The following NAALADL2 variants were observed in gnomAD, a reference collection of about 807,000 sequenced individuals.
NAALADL2 encodes N-acetylated alpha-linked acidic dipeptidase like 2, also known as inactive N-acetylated-alpha-linked acidic dipeptidase-like protein 2.
NAALADL2 carries 76 observed loss-of-function variants against 87.2 expected under a neutral mutation model. That is an observed-to-expected ratio of 0.87 (90% CI 0.72 to 1.05). The LOEUF is 1.05. Among genes scored for constraint, NAALADL2 ranks in the 50% least tolerant of loss-of-function variants. The pLI is 0.00. For missense variants in NAALADL2, 1,089 were observed against 945.8 expected, an observed-to-expected ratio of 1.15 and a Z score of -1.99; for synonymous variants, 354 against 331.0, an observed-to-expected ratio of 1.07 and a Z score of -0.75.
chr3:175,285,282 T>C (rs145344911), intron 4 of NAALADL2, among the ~76,000 whole-genome samples: 1 of 152,312 alleles, frequency 6.6e-6, no homozygotes, highest in East Asian at 1.9e-4. Context: ...GTATGGCACC[T>C]GCTGTACCAC....
chr3:175,036,740 A>G (rs1258422886), intron 1 of NAALADL2, among the ~76,000 whole-genome samples: 2 of 151,832 alleles, frequency 1.3e-5, no homozygotes, highest in South Asian at 2.1e-4. Flanking sequence ...ACTACTTTAA[A>G]AAATATTTTA....
chr3:175,124,599 G>C (rs1005327306), intron 2 of NAALADL2: 2 of 152,016 alleles, frequency 1.3e-5, no homozygotes, highest in Non-Finnish European at 2.9e-5. Flanking sequence ...TGCAAGGGAG[G>C]CTTTTCAAAC....
chr3:174,731,980 A>G (rs1158267231), intron 2 of NAALADL2, among the ~76,000 whole-genome samples: 1 of 152,154 alleles, frequency 6.6e-6, no homozygotes, highest in Non-Finnish European at 1.5e-5. Flanking sequence ...GCCACCATAA[A>G]CAATACATAA....
At chr3:175,161,278 C>A (rs1435874926) in intron 2 of NAALADL2, among the ~76,000 whole-genome samples, 1 of 150,628 alleles carries the variant, frequency 6.6e-6, no homozygotes, top group Non-Finnish European at 1.5e-5. Flanking sequence ...ATTTACTGGA[C>A]AGATAATAAG....
At chr3:174,934,386 A>G (rs1172910973) in intron 1 of NAALADL2, among the ~76,000 whole-genome samples, 1 of 152,214 alleles carries the variant, frequency 6.6e-6, no homozygotes, top group African/African-American at 2.4e-5. Context: ...CTTTTGGGAA[A>G]CTGAATCTAA....
Position 175,447,242 on chromosome 3 carries a change from A to C in NAALADL2, c.1104A>C (p.Arg368Ser), listed in dbSNP as rs768356210. The C allele has an allele frequency of 6.3e-7, 1 of 1,588,336 alleles. No individual in the cohort carries two copies. Among genetic ancestry groups the C allele is most frequent in the South Asian group, 1.2e-5 (1 of 85,780 alleles). ...TTTTGAATACAGATGAAAGTTTTAG[A>C]CAAAGCCGATCAAACCTCACCTCTC... is the stretch of plus-strand genomic sequence containing the variant. Reference protein sequence around the residue: ...PGYPSVDESFRQSRSNLTSLL... With the variant: ...PGYPSVDESFSQSRSNLTSLL... The change falls in exon 6 of 14, where the codon AGA becomes AGC. Residue 368 changes from arginine to serine, a missense_variant. By Grantham distance (110) the Arg-to-Ser change is moderately radical. Transcript: ENST00000454872.
At chr3:174,559,309 C>T (rs950555341) in intron 2 of NAALADL2, among the ~76,000 whole-genome samples, 13 of 152,114 alleles carry the variant, frequency 8.5e-5, no homozygotes, top group Admixed American at 6.6e-4. Context: ...GCACCATTAC[C>T]ACCCCCTACC....
At chr3:175,076,712 G>A (rs937259954) in intron 1 of NAALADL2, among the ~76,000 whole-genome samples, 5 of 152,110 alleles carry the variant, frequency 3.3e-5, no homozygotes, top group African/African-American at 1.2e-4. Flanking sequence ...GTTTCTGGTT[G>A]TAAGTTGGAA....
intron 2 of NAALADL2, among the ~76,000 whole-genome samples, chr3:174,617,409 G>A (rs1299607444): frequency 6.6e-6 from 1 of 151,420 alleles, no homozygotes; most frequent in African/African-American, 2.4e-5. Context: ...AGATTTTATC[G>A]GGAATAAGAA....
intron 4 of NAALADL2, among the ~76,000 whole-genome samples, chr3:175,259,661 A>G (rs1016195178): frequency 6.6e-6 from 1 of 152,224 alleles, no homozygotes; most frequent in African/African-American, 2.4e-5. Context: ...TATATTTTGC[A>G]TTTCTAAATG....
At chr3:175,233,296 C>T (rs374656214) in intron 2 of NAALADL2, among the ~76,000 whole-genome samples, 8 of 152,150 alleles carry the variant, frequency 5.3e-5, no homozygotes, top group African/African-American at 1.9e-4. Context: ...GGAATGACAC[C>T]TAGATTTTGG....
chr3:174,975,405 C>T (rs1025650017), intron 1 of NAALADL2, among the ~76,000 whole-genome samples: 5 of 152,170 alleles, frequency 3.3e-5, no homozygotes, highest in Non-Finnish European at 7.3e-5. Context: ...ATTGTCATGG[C>T]AGGCAGAATT....
At chr3:174,742,447 A>C (rs1733853176) in intron 3 of NAALADL2, among the ~76,000 whole-genome samples, 1 of 151,760 alleles carries the variant, frequency 6.6e-6, no homozygotes, top group Non-Finnish European at 1.5e-5. Flanking sequence ...TCAGTTTTTT[A>C]GAGCCAACCT....
chr3:174,519,326 C>CTTTTTTTTTTTTTTTTT (rs557612913), intron 1 of NAALADL2, among the ~76,000 whole-genome samples: 2 of 128,928 alleles, frequency 1.6e-5, no homozygotes, highest in African/African-American at 5.9e-5. Flanking sequence ...TGAAGATTTC[C>CTTTTTTTTTTTTTTTTT]TTTTTTTTTT....
chr3:174,759,215 G>A (rs1712565936), intron 3 of NAALADL2, among the ~76,000 whole-genome samples: 1 of 152,184 alleles, frequency 6.6e-6, no homozygotes, highest in Admixed American at 6.5e-5. Flanking sequence ...ACTGAATGCT[G>A]TGTTGTTAAT....
At chr3:174,950,130 A>G (rs1289202336) in intron 1 of NAALADL2, among the ~76,000 whole-genome samples, 1 of 152,130 alleles carries the variant, frequency 6.6e-6, no homozygotes, top group East Asian at 1.9e-4. Flanking sequence ...AGAATACCAA[A>G]GTTTAAAATA....
intron 2 of NAALADL2, among the ~76,000 whole-genome samples, chr3:174,620,685 T>C (rs1318816872): frequency 2.0e-5 from 3 of 152,046 alleles, no homozygotes; most frequent in Non-Finnish European, 4.4e-5. Context: ...GAAAATCTTG[T>C]AGGTACCAAG....
Position 174,496,801 on chromosome 3 carries a change from C to T in NAALADL2, c.-183-53768C>T, listed in dbSNP as rs540287316. On this transcript the variant is annotated intron_variant, in intron 1 of 3. Transcript: ENST00000434257. ...ACTATTTATTTACCTTTATAACCTCCGTAATTTTTGTGGAACTCCTTGTGG... is the reference window on the plus strand; with the variant it reads ...ACTATTTATTTACCTTTATAACCTCTGTAATTTTTGTGGAACTCCTTGTGG... Among the ~76,000 whole-genome samples the T allele has an allele frequency of 8.5e-5, 13 of 152,132 alleles. No individual in the cohort carries two copies. The East Asian group carries it at 1.2e-3, about 14-fold the overall frequency.
intron 3 of NAALADL2, among the ~76,000 whole-genome samples, chr3:174,814,798 CT>C (rs1720611320): frequency 6.6e-6 from 1 of 152,134 alleles, no homozygotes; most frequent in South Asian, 2.1e-4. Context: ...CAGGCCAACT[CT>C]TTTGATTACT....
Sources: gnomAD v4.1 joint callset for allele counts (sites outside exome capture counted in the v4.1 genomes callset) on GRCh38, gnomAD v4.1.1 for gene constraint, MANE v1.5 for transcripts, NCBI Gene and HGNC (gene_info 2026-07-23, HGNC 2026-07-21) for gene names.